The following ZNF516 variants were observed in gnomAD, a reference collection of about 807,000 sequenced individuals.
ZNF516 encodes zinc finger protein 516.
ZNF516 carries 19 observed loss-of-function variants against 79.7 expected under a neutral mutation model. The ratio of observed to expected loss-of-function variants is 0.24; its 90% CI spans 0.17 to 0.35. The LOEUF (loss-of-function observed/expected upper bound fraction) is 0.35. Among genes scored for constraint, ZNF516 ranks in the 10% least tolerant of loss-of-function variants. ZNF516 has a pLI of 1.00. For synonymous variants in ZNF516, 877 were observed against 739.5 expected (o/e 1.19, Z -3.02); for missense variants, 1,678 against 1,679.5 (o/e 1.00, Z 0.02).
Position 76,442,284 on chromosome 18 carries a change from G to A in ZNF516, c.771C>T (p.Phe257=). ...EFPCEVCGQA[F]SQTWFLKAHM... is the part of the protein sequence containing the mutation. Reference sequence around the variant, plus strand: ...GCGCCTTCAGGAACCAGGTCTGGCTGAAGGCCTGGCCACACACCTCGCACG... The same window carrying A: ...GCGCCTTCAGGAACCAGGTCTGGCTAAAGGCCTGGCCACACACCTCGCACG... The change falls in exon 3 of 7, where the codon TTC becomes TTT. Residue 257 remains phenylalanine (F), a synonymous_variant. Coordinates refer to ENST00000443185, the MANE Select transcript of ZNF516 (RefSeq NM_014643.4). 2 of 1,613,076 alleles carry A rather than the reference G, an allele frequency of 1.2e-6. No homozygotes were observed. The highest frequency in any genetic ancestry group is 8.5e-7 in the Non-Finnish European group (1 of 1,179,728).
chr18:76,462,185 G>C (rs1236133815), intron 2 of ZNF516, among the ~76,000 whole-genome samples: 1 of 152,120 alleles, frequency 6.6e-6, no homozygotes, highest in Admixed American at 6.5e-5. Flanking sequence ...CCACGCCAGA[G>C]GCCACCCCAT....
chr18:76,431,045 C>T (rs919314811), intron 3 of ZNF516, among the ~76,000 whole-genome samples: 4 of 152,128 alleles, frequency 2.6e-5, no homozygotes, highest in African/African-American at 9.7e-5. Flanking sequence ...TAGTAAAATA[C>T]AGACCTAAAA....
At chr18:76,431,904 G>A (rs756603129) in intron 3 of ZNF516, among the ~76,000 whole-genome samples, 2 of 152,188 alleles carry the variant, frequency 1.3e-5, no homozygotes, top group African/African-American at 2.4e-5. Context: ...GGACTAACAC[G>A]CAGTGCACCA....
intron 2 of ZNF516, among the ~76,000 whole-genome samples, chr18:76,461,908 C>T (rs1053008917): frequency 3.3e-5 from 5 of 152,330 alleles, no homozygotes; most frequent in East Asian, 1.9e-4. Flanking sequence ...GGGAAGGGTG[C>T]GGCGTCCAGC....
chr18:76,443,239 A>T (rs1489131957), intron 2 of ZNF516, 28 bp from the exon 3 acceptor site: 1 of 904,004 alleles, frequency 1.1e-6, no homozygotes, highest in Non-Finnish European at 1.6e-6. Flanking sequence ...CATCATCAGC[A>T]AAGCTCCTGG....
chr18:76,405,335 C>T (rs934904309), intron 3 of ZNF516, among the ~76,000 whole-genome samples: 3 of 152,148 alleles, frequency 2.0e-5, no homozygotes, highest in South Asian at 2.1e-4. Context: ...TGGGCTCAAG[C>T]GATCCTCCCG....
At chr18:76,408,150 G>A (rs2075326462) in intron 3 of ZNF516, among the ~76,000 whole-genome samples, 1 of 152,234 alleles carries the variant, frequency 6.6e-6, no homozygotes, top group Non-Finnish European at 1.5e-5. Context: ...GGGAGGTGAG[G>A]AAGGACCCAG....
intron 2 of ZNF516, among the ~76,000 whole-genome samples, chr18:76,443,730 T>A (rs1721594520): frequency 6.6e-6 from 1 of 152,180 alleles, no homozygotes; most frequent in Non-Finnish European, 1.5e-5. Context: ...AGAAATGCAT[T>A]GTTAGGCGAT....
chr18:76,466,099 A>C (rs1428080845), intron 1 of ZNF516, among the ~76,000 whole-genome samples: 1 of 152,040 alleles, frequency 6.6e-6, no homozygotes, highest in Non-Finnish European at 1.5e-5. Flanking sequence ...CCCTACTTCT[A>C]ATGTCCCTGG....
intron 3 of ZNF516, among the ~76,000 whole-genome samples, chr18:76,406,537 C>G (rs2075306808): frequency 2.6e-5 from 4 of 152,182 alleles, no homozygotes; most frequent in Admixed American, 2.6e-4. Context: ...GCACTCCAGC[C>G]TGGGTGACAG....
chr18:76,403,663 G>A (rs1363934743), intron 3 of ZNF516, among the ~76,000 whole-genome samples: 1 of 152,116 alleles, frequency 6.6e-6, no homozygotes, highest in Non-Finnish European at 1.5e-5. Flanking sequence ...GAAAACAGGC[G>A]CATGTTTGGA....
intron 3 of ZNF516, among the ~76,000 whole-genome samples, chr18:76,429,191 C>G (rs2075631715): frequency 1.3e-5 from 2 of 152,188 alleles, no homozygotes; most frequent in African/African-American, 4.8e-5. Context: ...TCAGAAAGAG[C>G]TGAGAAGTGA....
At chr18:76,495,622 C>T (rs747128437), upstream of ZNF516, 166 of 643,450 alleles carry the variant, frequency 2.6e-4, no homozygotes, top group Middle Eastern at 1.7e-3. Flanking sequence ...GGTCGCCCCT[C>T]GTCAAGGTCT....
chr18:76,466,288 G>A (rs1246087452), intron 1 of ZNF516, among the ~76,000 whole-genome samples: 3 of 152,196 alleles, frequency 2.0e-5, no homozygotes, highest in African/African-American at 7.2e-5. Context: ...CAGGCAGGCA[G>A]GGGCACAGGG....
intron 1 of ZNF516, among the ~76,000 whole-genome samples, chr18:76,471,220 T>C (rs1913815651): frequency 6.6e-6 from 1 of 151,282 alleles, no homozygotes; most frequent in African/African-American, 2.4e-5. Context: ...ATGATTACCA[T>C]ACTTACTGAG....
In ZNF516 at chr18:76,459,361, C is replaced by T. The variant is rs1568311317; in HGVS notation, c.-158+3667G>A. ...CACCATCCACTCAACATCATTGAGC[C>T]CTCCCACAGGCACCCAAGCTCTCTG... On this transcript the variant is annotated intron_variant, in intron 2 of 6. Coordinates refer to ENST00000443185, the MANE Select transcript of ZNF516 (RefSeq NM_014643.4). The surrounding 1 kb of genome is among the most constrained non-coding windows in gnomAD (Gnocchi z 5.0). Among the ~76,000 whole-genome samples the T allele has an allele frequency of 6.6e-6, 1 of 152,310 alleles. No individual in the cohort carries two copies. The highest frequency in any genetic ancestry group is 1.9e-4 in the East Asian group (1 of 5,174).
chr18:76,488,369 C>A, intron 1 of ZNF516: 1 of 502,954 alleles, frequency 2.0e-6, no homozygotes, highest in Non-Finnish European at 2.6e-6. Context: ...GCTAGTTAGG[C>A]AATAAATGCA....
intron 3 of ZNF516, among the ~76,000 whole-genome samples, chr18:76,425,346 G>A (rs187150375): frequency 5.1e-4 from 78 of 152,284 alleles, no homozygotes; most frequent in Admixed American, 1.0e-3. Flanking sequence ...GATTGGCCAC[G>A]GATTTTTTCC....
chr18:76,465,193 G>A (rs1168621749), intron 1 of ZNF516, among the ~76,000 whole-genome samples: 1 of 152,188 alleles, frequency 6.6e-6, no homozygotes, highest in African/African-American at 2.4e-5. Context: ...CTATTTTCTG[G>A]CTTAGTTTCC....
Sources: gnomAD v4.1 joint callset for allele counts (sites outside exome capture counted in the v4.1 genomes callset) on GRCh38, gnomAD v4.1.1 for gene constraint, Gnocchi (gnomAD v3.1) non-coding constraint, MANE v1.5 for transcripts, NCBI Gene and HGNC (gene_info 2026-07-23, HGNC 2026-07-21) for gene names.